The following TUSC3 variants were observed in gnomAD, a reference collection of about 807,000 sequenced individuals.
TUSC3 encodes dolichyl-diphosphooligosaccharide--protein glycosyltransferase subunit TUSC3.
Under a neutral mutation model 44.8 loss-of-function variants are expected in TUSC3, and 45 were observed. The observed-to-expected ratio is 1.00, with a 90% CI of 0.79 to 1.29. The LOEUF (loss-of-function observed/expected upper bound fraction) is 1.29, where lower values mean the gene tolerates loss of function less well. Ranked by LOEUF, TUSC3 falls within the 50% of genes most tolerant of loss-of-function variation. The pLI is 0.00. For synonymous variants in TUSC3, 212 were observed against 152.9 expected, an observed-to-expected ratio of 1.39 and a Z score of -2.85; for missense variants, 519 against 437.9, an observed-to-expected ratio of 1.19 and a Z score of -1.65.
chr8:15,818,716 T>A, the TUSC3 span, among the ~76,000 whole-genome samples: 3 of 152,178 alleles, frequency 2.0e-5, no homozygotes, highest in East Asian at 3.9e-4. Flanking sequence ...GACTGGGAGG[T>A]ATGCTTCAAA....
chr8:15,594,630 C>G (rs1803988579), intron 1 of TUSC3, among the ~76,000 whole-genome samples: 1 of 151,938 alleles, frequency 6.6e-6, no homozygotes, highest in Non-Finnish European at 1.5e-5. Context: ...CCTACTATTG[C>G]CAGAGCATCT....
chr8:15,636,471 A>G lies in TUSC3; in HGVS notation c.308+13222A>G, dbSNP rs1311203334. On this transcript the variant is annotated intron_variant, in intron 2 of 10. Coordinates refer to ENST00000503731, the MANE Select transcript of TUSC3 (RefSeq NM_006765.4). Reference sequence around the variant, plus strand: ...GATCCAAGTAGACCAACCCCAGAATAGAGATATTAGGCATTTGTTTGTACT... The same window carrying G: ...GATCCAAGTAGACCAACCCCAGAATGGAGATATTAGGCATTTGTTTGTACT... Among the ~76,000 whole-genome samples the G allele has an allele frequency of 1.8e-4, 27 of 152,164 alleles. 1 individual carries two copies. The highest frequency in any genetic ancestry group is 1.8e-3 in the Admixed American group (27 of 15,270).
intron 1 of TUSC3, among the ~76,000 whole-genome samples, chr8:15,613,179 C>G (rs1454120208): frequency 1.3e-5 from 2 of 149,254 alleles, no homozygotes; most frequent in Non-Finnish European, 3.0e-5. Flanking sequence ...TAGGATCTGT[C>G]TTATTTGTGC....
the TUSC3 span, among the ~76,000 whole-genome samples, chr8:15,783,371 A>G: frequency 1.2e-4 from 18 of 152,188 alleles, no homozygotes; most frequent in Non-Finnish European, 1.8e-4. Context: ...TAGAAAAACA[A>G]ATCCTAAAAT....
chr8:15,815,315 G>C, the TUSC3 span, among the ~76,000 whole-genome samples: 4 of 152,042 alleles, frequency 2.6e-5, no homozygotes, highest in Non-Finnish European at 4.4e-5. Flanking sequence ...GAAGGTTCTT[G>C]GGGGGCAGGA....
intron 6 of TUSC3, 103 bp downstream of exon 6, chr8:15,673,939 A>T: frequency 1.0e-6 from 1 of 976,690 alleles, no homozygotes; most frequent in Non-Finnish European, 1.6e-6. Flanking sequence ...TCTGTTTGTC[A>T]GTCAAAATAT....
At chr8:15,815,356 G>T in the TUSC3 span, among the ~76,000 whole-genome samples, 1 of 152,098 alleles carries the variant, frequency 6.6e-6, no homozygotes, top group Non-Finnish European at 1.5e-5. Flanking sequence ...TCAGCATCCT[G>T]AGTCAGCTGG....
Position 15,449,998 on chromosome 8 carries a change from C to G in TUSC3, n.91+32693C>G, listed in dbSNP as rs550245192. On this transcript the variant is annotated intron_variant and non_coding_transcript_variant, in intron 1 of 5. Coordinates refer to the TUSC3 transcript ENST00000503191. ...CCACATAGCCTAGGTGTGCAGGAGG[C>G]TATCCCTCTAGGTTTTTCTAAGTTC... Among the ~76,000 whole-genome samples, 3 of 152,158 alleles carry G rather than the reference C, an allele frequency of 2.0e-5. No individual in the cohort carries two copies. The East Asian group carries it at 5.8e-4, about 29-fold the overall frequency.
intron 1 of TUSC3, among the ~76,000 whole-genome samples, chr8:15,574,681 T>C (rs1208618704): frequency 6.6e-6 from 1 of 152,206 alleles, no homozygotes; most frequent in Non-Finnish European, 1.5e-5. Flanking sequence ...CCATGAGAGC[T>C]AGCTTTTATT....
At chr8:15,575,258 G>A (rs752835949) in intron 1 of TUSC3, among the ~76,000 whole-genome samples, 2 of 152,012 alleles carry the variant, frequency 1.3e-5, no homozygotes, top group Non-Finnish European at 2.9e-5. Context: ...TGTTTTAAAA[G>A]GACTAAGACT....
chr8:15,819,521 T>G, the TUSC3 span, among the ~76,000 whole-genome samples: 1 of 152,186 alleles, frequency 6.6e-6, no homozygotes, highest in South Asian at 2.1e-4. Context: ...CACAGTCATG[T>G]CTACTAGACT....
At chr8:15,574,395 A>G (rs1023101607) in intron 1 of TUSC3, among the ~76,000 whole-genome samples, 2 of 152,174 alleles carry the variant, frequency 1.3e-5, no homozygotes, top group African/African-American at 4.8e-5. Flanking sequence ...TTAGTGGTCA[A>G]CTTACATTCT....
chr8:15,641,993 A>T (rs145613113), intron 2 of TUSC3, among the ~76,000 whole-genome samples: 16 of 152,344 alleles, frequency 1.1e-4, no homozygotes, highest in Admixed American at 9.8e-4. Context: ...ACCAAATTGT[A>T]CCCATTATAT....
chr8:15,753,572 A>G (rs1459610622), intron 9 of TUSC3, among the ~76,000 whole-genome samples: 1 of 152,120 alleles, frequency 6.6e-6, no homozygotes, highest in East Asian at 1.9e-4. Context: ...AGTCTAGCAC[A>G]TGTATATGTG....
chr8:15,825,885 C>CTTTTTTTT, the TUSC3 span, among the ~76,000 whole-genome samples: 12 of 120,372 alleles, frequency 1.0e-4, 1 homozygote, highest in Non-Finnish European at 1.6e-4. Context: ...ACAGTTGTTT[C>CTTTTTTTT]TTTTTTTTTT....
intron 2 of TUSC3, among the ~76,000 whole-genome samples, chr8:15,484,263 C>G (rs1800706924): frequency 6.6e-6 from 1 of 152,172 alleles, no homozygotes; most frequent in South Asian, 2.1e-4. Context: ...CATCTCTTAA[C>G]TCAAATGTCC....
intron 2 of TUSC3, among the ~76,000 whole-genome samples, chr8:15,500,972 C>T (rs550970868): frequency 1.2e-4 from 18 of 152,226 alleles, no homozygotes; most frequent in African/African-American, 4.3e-4. Flanking sequence ...TTATAAGGTA[C>T]AGAAAGTAAC....
intron 1 of TUSC3, among the ~76,000 whole-genome samples, chr8:15,602,335 A>G (rs1376677256): frequency 1.3e-5 from 2 of 151,716 alleles, no homozygotes; most frequent in Admixed American, 1.3e-4. Context: ...TTAAAGTTTG[A>G]TTTGTCTGGA....
intron 1 of TUSC3, among the ~76,000 whole-genome samples, chr8:15,582,059 G>A (rs1428800975): frequency 1.3e-5 from 2 of 152,232 alleles, no homozygotes; most frequent in Middle Eastern, 3.4e-3. Flanking sequence ...TCGGGTGGCA[G>A]TGACCCGATT....
Sources: allele counts gnomAD v4.1 joint callset (sites outside exome capture counted in the v4.1 genomes callset), GRCh38; gene constraint gnomAD v4.1.1; transcripts MANE v1.5; gene names NCBI Gene and HGNC (gene_info 2026-07-23, HGNC 2026-07-21).